CLVS1: variants seen among roughly 807,000 people sequenced by gnomAD.
The protein encoded by CLVS1 is clavesin-1.
Under a neutral mutation model 33.1 loss-of-function variants are expected in CLVS1, and 10 were observed. That is an observed-to-expected ratio of 0.30 (90% CI 0.19 to 0.51). CLVS1 has a LOEUF of 0.51. Ranked by LOEUF, CLVS1 falls within the 20% of genes least tolerant of loss-of-function variation. The pLI is 0.97. For synonymous variants in CLVS1, 163 were observed against 166.1 expected, an observed-to-expected ratio of 0.98 and a Z score of 0.14; for missense variants, 343 against 433.4, an observed-to-expected ratio of 0.79 and a Z score of 1.85.
chr8:61,060,748 G>T (rs185355721), intron 1 of CLVS1, among the ~76,000 whole-genome samples: 43 of 152,232 alleles, frequency 2.8e-4, no homozygotes, highest in Admixed American at 2.1e-3. Flanking sequence ...CTTCTTTCAA[G>T]AAATAAATTG....
At chr8:61,178,593 G>A (rs929040800) in intron 2 of CLVS1, among the ~76,000 whole-genome samples, 29 of 152,138 alleles carry the variant, frequency 1.9e-4, no homozygotes, top group Admixed American at 5.2e-4. Context: ...AGGGCAGCCC[G>A]AGAGAAAGGC....
At chr8:61,475,964 A>G (rs924737732) in intron 5 of CLVS1, among the ~76,000 whole-genome samples, 2 of 152,128 alleles carry the variant, frequency 1.3e-5, no homozygotes, top group Non-Finnish European at 2.9e-5. Context: ...ATCTTGAATT[A>G]ATTTTTGTAT....
At chr8:61,435,283 C>T (rs1452873855) in intron 3 of CLVS1, among the ~76,000 whole-genome samples, 2 of 152,208 alleles carry the variant, frequency 1.3e-5, no homozygotes, top group African/African-American at 4.8e-5. Context: ...AATAAGGAGT[C>T]AGCCCTCAGG....
At chr8:60,995,670 C>T in the CLVS1 span, among the ~76,000 whole-genome samples, 1 of 152,126 alleles carries the variant, frequency 6.6e-6, no homozygotes, top group Non-Finnish European at 1.5e-5. Context: ...GGGTATATAC[C>T]CAAAGGACTA....
intron 2 of CLVS1, among the ~76,000 whole-genome samples, chr8:61,272,059 T>A (rs1205428777): frequency 1.3e-5 from 2 of 151,596 alleles, no homozygotes; most frequent in African/African-American, 2.4e-5. Context: ...GTTATTTTGC[T>A]CGTTAGTTGA....
chr8:61,431,500 C>T (rs1343195444), intron 3 of CLVS1, among the ~76,000 whole-genome samples: 4 of 152,322 alleles, frequency 2.6e-5, no homozygotes, highest in Admixed American at 6.5e-5. Context: ...GGCGGCATGG[C>T]TGACTGACCA....
At chr8:61,333,180 T>G (rs1374318699) in intron 2 of CLVS1, among the ~76,000 whole-genome samples, 1 of 152,244 alleles carries the variant, frequency 6.6e-6, no homozygotes, top group Non-Finnish European at 1.5e-5. Flanking sequence ...TTCAAAAATA[T>G]CCTTTCAGTT....
intron 2 of CLVS1, among the ~76,000 whole-genome samples, chr8:61,342,689 T>C (rs1353786684): frequency 6.6e-6 from 1 of 152,208 alleles, no homozygotes; most frequent in Non-Finnish European, 1.5e-5. Flanking sequence ...TGCAATTATG[T>C]GGTGCCTCGG....
At chr8:61,056,926 G>A (rs1040473735), upstream of CLVS1, among the ~76,000 whole-genome samples, 3 of 152,124 alleles carry the variant, frequency 2.0e-5, no homozygotes, top group Admixed American at 1.3e-4. Context: ...AAGGTAAAGC[G>A]CCAGGGCCTT....
chr8:61,444,811 T>C (rs1479229368), intron 3 of CLVS1, among the ~76,000 whole-genome samples: 1 of 152,184 alleles, frequency 6.6e-6, no homozygotes, highest in Non-Finnish European at 1.5e-5. Flanking sequence ...GTCTGAATCA[T>C]TTTGGTGGAC....
At chr8:61,002,627 G>C in the CLVS1 span, among the ~76,000 whole-genome samples, 1 of 152,102 alleles carries the variant, frequency 6.6e-6, no homozygotes, top group South Asian at 2.1e-4. Context: ...ACTGCACCCA[G>C]CCTGTATGCT....
At chr8:61,013,159 G>A in the CLVS1 span, among the ~76,000 whole-genome samples, 5 of 152,120 alleles carry the variant, frequency 3.3e-5, no homozygotes, top group Non-Finnish European at 5.9e-5. Context: ...TTCCTGCCTC[G>A]GTCCTTCCTG....
chr8:61,052,328 A>G (rs1413420211), upstream of CLVS1, among the ~76,000 whole-genome samples: 3 of 152,242 alleles, frequency 2.0e-5, no homozygotes, highest in Non-Finnish European at 4.4e-5. Flanking sequence ...TGTTTAAAAT[A>G]AAATGAATAT....
chr8:61,097,555 G>T (rs1280140391), intron 1 of CLVS1, among the ~76,000 whole-genome samples: 1 of 152,210 alleles, frequency 6.6e-6, no homozygotes, highest in African/African-American at 2.4e-5. Flanking sequence ...TGTGGTGGAA[G>T]AAGAGAGAGT....
chr8:61,025,726 G>T, the CLVS1 span, among the ~76,000 whole-genome samples: 1 of 152,150 alleles, frequency 6.6e-6, no homozygotes, highest in East Asian at 1.9e-4. Flanking sequence ...TCTTGTCAGG[G>T]TTTGCAAGCC....
At chr8:61,488,457 T>G (rs1803955801) in intron 5 of CLVS1, among the ~76,000 whole-genome samples, 1 of 152,240 alleles carries the variant, frequency 6.6e-6, no homozygotes, top group Non-Finnish European at 1.5e-5. Context: ...AATAATCCAC[T>G]GCTCCATATC....
At chr8:61,382,653 T>C (rs1813929787) in intron 3 of CLVS1, among the ~76,000 whole-genome samples, 4 of 152,184 alleles carry the variant, frequency 2.6e-5, no homozygotes, top group Admixed American at 2.0e-4. Flanking sequence ...CAGATGCCCC[T>C]GGAGGGTTAG....
intron 1 of CLVS1, among the ~76,000 whole-genome samples, chr8:61,115,405 T>C (rs1280241505): frequency 1.3e-5 from 2 of 152,016 alleles, no homozygotes; most frequent in East Asian, 3.9e-4. Context: ...CTTTAAGTTT[T>C]AGGGTACATG....
chr8:61,319,988 A>G (rs1158367741), intron 2 of CLVS1, among the ~76,000 whole-genome samples: 1 of 151,954 alleles, frequency 6.6e-6, no homozygotes. Context: ...AAATTCTTCT[A>G]ATGTAACTGC....
Sources: allele counts gnomAD v4.1 joint callset (sites outside exome capture counted in the v4.1 genomes callset), GRCh38; gene constraint gnomAD v4.1.1; transcripts MANE v1.5; gene names NCBI Gene and HGNC (gene_info 2026-07-23, HGNC 2026-07-21).